The following HEXB variants were observed in gnomAD, a reference collection of about 807,000 sequenced individuals.
The protein encoded by HEXB is beta-hexosaminidase subunit beta.
HEXB carries 51 observed loss-of-function variants against 71.2 expected under a neutral mutation model. That is an observed-to-expected ratio of 0.72 (90% confidence interval 0.57 to 0.90). HEXB has a LOEUF of 0.90. Ranked by LOEUF, HEXB falls within the 40% of genes least tolerant of loss-of-function variation. The pLI is 0.00. For missense variants in HEXB, 617 were observed against 677.0 expected, an observed-to-expected ratio of 0.91 and a Z score of 0.98; for synonymous variants, 266 against 249.3, an observed-to-expected ratio of 1.07 and a Z score of -0.63.
At position 74,716,524 on chromosome 5, in the gene HEXB, G is replaced by T. The variant is rs1749676281; in HGVS notation, c.1083-63G>T. On this transcript the variant is annotated intron_variant, in intron 8 of 13. Coordinates refer to ENST00000261416, the MANE Select transcript of HEXB (RefSeq NM_000521.4). ...ACAACTGATGTTAGGCATGTATACT[G>T]CTCTAAATAATAAACTGAGCATATC... is the stretch of plus-strand genomic sequence containing the variant. 4 of 969,460 alleles carry T rather than the reference G, an allele frequency of 4.1e-6. No homozygotes were observed. The Admixed American group carries it at 7.1e-5, about 17-fold the overall frequency. The allele number at this position is 969,460 out of a possible 1,614,324, so 60.1% of individuals were successfully genotyped here.
chr5:74,689,897 A>G (rs761894774), intron 2 of HEXB: 16 of 192,550 alleles, frequency 8.3e-5, no homozygotes, highest in Non-Finnish European at 1.4e-4. Flanking sequence ...TAAATTAAAC[A>G]TGAATTTCAC....
intron 1 of HEXB, among the ~76,000 whole-genome samples, chr5:74,653,728 C>T (rs1396758306): frequency 1.3e-5 from 2 of 152,152 alleles, no homozygotes; most frequent in Non-Finnish European, 2.9e-5. Context: ...GACTGAAATC[C>T]TTCTGTCAAA....
At chr5:74,682,969 G>C (rs1051084734), upstream of HEXB, among the ~76,000 whole-genome samples, 9 of 152,310 alleles carry the variant, frequency 5.9e-5, no homozygotes, top group South Asian at 4.1e-4. Context: ...CCCAGGAAAA[G>C]CTGCCTATTT....
At chr5:74,693,521 G>A (rs968987607) in intron 2 of HEXB, 118 bp from the exon 3 acceptor site, 5 of 786,598 alleles carry the variant, frequency 6.4e-6, no homozygotes, top group Admixed American at 5.6e-5. Flanking sequence ...AGAGAAATAG[G>A]TCATGTGCTT....
Position 74,652,650 on chromosome 5 carries a change from C to T in HEXB, c.-377+12092C>T, listed in dbSNP as rs1183143287. Among the ~76,000 whole-genome samples, 2 of 152,170 alleles carry T rather than the reference C, an allele frequency of 1.3e-5. No individual in the cohort carries two copies. The highest frequency in any genetic ancestry group is 1.9e-4 in the East Asian group (1 of 5,194). On this transcript the variant is annotated intron_variant, in intron 1 of 13. Coordinates refer to the HEXB transcript ENST00000511181. The surrounding 1 kb of genome is among the most constrained non-coding windows in gnomAD (Gnocchi z 5.4). The stretch of plus-strand genomic sequence containing the variant: ...TTGAGTCATGTAAGGGATTCCCTCC[C>T]TTACCCCCACTACCCCCAGGATTGT...
intron 1 of HEXB, among the ~76,000 whole-genome samples, chr5:74,674,406 A>G (rs1016548921): frequency 6.6e-6 from 1 of 152,066 alleles, no homozygotes; most frequent in Non-Finnish European, 1.5e-5. Context: ...GATCGAGACC[A>G]TCCTGGCTAA....
intron 1 of HEXB, chr5:74,640,891 G>C (rs1002246542): frequency 2.6e-5 from 4 of 153,148 alleles, no homozygotes; most frequent in African/African-American, 9.6e-5. Context: ...AGGAGCTAGA[G>C]AAGAGCGTGT....
intron 9 of HEXB, among the ~76,000 whole-genome samples, chr5:74,717,477 C>CATATATATATATATATATATATATAT (rs57555383): frequency 6.8e-6 from 1 of 146,610 alleles, no homozygotes; most frequent in African/African-American, 2.5e-5. Context: ...CTGAAAAATG[C>CATATATATATATATATATATATATAT]ATATATATAT....
At chr5:74,704,184 A>T (rs1296146390) in intron 5 of HEXB, among the ~76,000 whole-genome samples, 1 of 152,152 alleles carries the variant, frequency 6.6e-6, no homozygotes, top group Non-Finnish European at 1.5e-5. Context: ...AATTCCAGTT[A>T]ACACCTATAT....
chr5:74,699,029 C>A (rs948283529), intron 5 of HEXB, among the ~76,000 whole-genome samples: 1 of 151,626 alleles, frequency 6.6e-6, no homozygotes. Flanking sequence ...ACTAAAAATA[C>A]AAAAAATTAG....
At chr5:74,689,586 T>C in intron 2 of HEXB, 113 bp downstream of exon 2, 3 of 864,694 alleles carry the variant, frequency 3.5e-6, no homozygotes, top group Non-Finnish European at 5.9e-6. Context: ...AGTGAGTTTA[T>C]GATTCCTATT....
At chr5:74,658,683 G>A (rs1339162517) in intron 1 of HEXB, among the ~76,000 whole-genome samples, 1 of 152,114 alleles carries the variant, frequency 6.6e-6, no homozygotes, top group Non-Finnish European at 1.5e-5. Flanking sequence ...GGGAAATAAT[G>A]TGTCCTAGGA....
At chr5:74,692,897 TTGGGCCAACCTTAGAGTGTGCTTCAA>T (rs1373986957) in intron 2 of HEXB, among the ~76,000 whole-genome samples, 1 of 152,222 alleles carries the variant, frequency 6.6e-6, no homozygotes, top group East Asian at 1.9e-4. Context: ...TAAATGACTA[TTGGGCCAACCTTAGAGTGTGCTTCAA>T]AGATTGAAAG....
intron 1 of HEXB, among the ~76,000 whole-genome samples, chr5:74,663,120 G>C (rs941175495): frequency 1.3e-5 from 2 of 151,788 alleles, no homozygotes; most frequent in Non-Finnish European, 2.9e-5. Context: ...AACGCATATG[G>C]GCATCTGCTA....
At chr5:74,659,406 G>A (rs554855456) in intron 1 of HEXB, among the ~76,000 whole-genome samples, 2 of 152,214 alleles carry the variant, frequency 1.3e-5, no homozygotes, top group Non-Finnish European at 2.9e-5. Flanking sequence ...GCTGATCCTG[G>A]AGGAGACAAG....
chr5:74,710,651 A>G (rs1749517147), intron 6 of HEXB, among the ~76,000 whole-genome samples: 2 of 152,078 alleles, frequency 1.3e-5, no homozygotes. Flanking sequence ...ATAACAGACA[A>G]ACAGCCAAAT....
intron 10 of HEXB, 40 bp from the exon 11 acceptor site, chr5:74,718,757 T>C (rs760852540): frequency 3.8e-6 from 6 of 1,581,510 alleles, no homozygotes; most frequent in South Asian, 3.3e-5. Context: ...TCTACTGTTC[T>C]AGGCCTAATA....
Position 74,720,657 on chromosome 5 carries a change from C to T in HEXB, c.1523C>T (p.Ala508Val). ...LTPRLWPRASAVGERLWSSKD... is the reference protein window; with the variant it reads ...LTPRLWPRASVVGERLWSSKD... ...TTAAATTTTAGGCCTCGGGCAAGTG[C>T]TGTTGGTGAGAGACTCTGGAGTTCC... Residue 508 changes from alanine (A) to valine (V), a missense_variant, in exon 13 of 14, where the codon GCT (alanine) becomes GTT (valine). Ala to Val is a moderately conservative substitution (Grantham distance 64). Coordinates refer to ENST00000261416, the MANE Select transcript of HEXB (RefSeq NM_000521.4). The T allele has an allele frequency of 6.2e-7, 1 of 1,614,068 alleles. No individual in the cohort carries two copies. The highest frequency in any genetic ancestry group is 8.5e-7 in the Non-Finnish European group (1 of 1,179,930).
intron 1 of HEXB, among the ~76,000 whole-genome samples, chr5:74,665,450 G>C (rs10515186): frequency 0.055 from 8,360 of 151,932 alleles, 801 homozygotes; most frequent in African/African-American, 0.19. Flanking sequence ...GAGGAGGAGA[G>C]TTGTGCAATA....
Sources: allele counts gnomAD v4.1 joint callset (sites outside exome capture counted in the v4.1 genomes callset), GRCh38; gene constraint gnomAD v4.1.1; non-coding constraint Gnocchi (gnomAD v3.1); transcripts MANE v1.5; gene names NCBI Gene and HGNC (gene_info 2026-07-23, HGNC 2026-07-21).